ZNF670: variants seen among roughly 807,000 people sequenced by gnomAD.
The protein encoded by ZNF670 is zinc finger protein 670.
A neutral mutation model predicts 10.9 loss-of-function variants in ZNF670; 7 were observed. The ratio of observed to expected loss-of-function variants is 0.64; its 90% CI spans 0.36 to 1.20. The LOEUF is 1.20. Ranked by LOEUF, ZNF670 falls within the 50% of genes most tolerant of loss-of-function variation. ZNF670 has a pLI of 0.02. For missense variants in ZNF670, 446 were observed against 458.6 expected, an observed-to-expected ratio of 0.97 and a Z score of 0.25; for synonymous variants, 136 against 152.7, an observed-to-expected ratio of 0.89 and a Z score of 0.81.
intron 1 of ZNF670, among the ~76,000 whole-genome samples, chr1:247,066,864 G>T (rs1391359195): frequency 1.3e-5 from 2 of 152,100 alleles, no homozygotes; most frequent in African/African-American, 2.4e-5. Context: ...TTGTTACCCA[G>T]ACATTCCTTT....
In ZNF670 at chr1:247,038,072, C is replaced by T. The variant is rs1446520250; in HGVS notation, c.547G>A (p.Val183Ile). Reference protein sequence around the residue: ...VYEKPFDFPSVFQMPQSTYTG... With the variant: ...VYEKPFDFPSIFQMPQSTYTG... ...TAAGTGCTCTGAGGCATTTGAAATA[C>T]ACTAGGAAAATCAAAAGGCTTCTCA... The change falls in exon 4 of 4, where the codon GTA becomes ATA. Residue 183 changes from valine (V) to isoleucine (I), a missense_variant. Val to Ile is a conservative substitution (Grantham distance 29). Coordinates refer to ENST00000366503, the MANE Select transcript of ZNF670 (RefSeq NM_033213.5). 12 of 1,614,016 alleles carry T rather than the reference C, an allele frequency of 7.4e-6. No homozygotes were observed. The highest frequency in any genetic ancestry group is 1.0e-5 in the Non-Finnish European group (12 of 1,180,016).
intron 1 of ZNF670, among the ~76,000 whole-genome samples, 200 bp downstream of exon 1, chr1:247,078,394 G>A (rs1671304828): frequency 6.6e-6 from 1 of 152,202 alleles, no homozygotes; most frequent in African/African-American, 2.4e-5. Flanking sequence ...AGGGTTCCGG[G>A]CCTGGCCGAA....
rs770251198 is a variant in ZNF670 at position 247,038,293 on chromosome 1, CCA to C, written c.324_325del (p.Cys108TrpfsTer12). 11 of 1,614,154 alleles carry C rather than the reference CCA, an allele frequency of 6.8e-6. No individual in the cohort carries two copies. The Middle Eastern group carries it at 6.6e-4, about 97-fold the overall frequency. ...GGCTGAATGACATATGAAGACTTTT[CCA>C]CACACACTGCATTCACATGGCTTTA... On this transcript the variant is annotated frameshift_variant, in exon 4 of 4. Coordinates refer to ENST00000366503, the MANE Select transcript of ZNF670 (RefSeq NM_033213.5). LOFTEE classifies it low-confidence loss of function (END_TRUNC).
At chr1:247,056,039 A>G (rs927534364) in intron 1 of ZNF670, among the ~76,000 whole-genome samples, 1 of 151,986 alleles carries the variant, frequency 6.6e-6, no homozygotes, top group Non-Finnish European at 1.5e-5. Flanking sequence ...AATAGAGCTA[A>G]AGAGAGAGAG....
Position 247,036,308 on chromosome 1 carries a change from C to T in ZNF670, c.*1141G>A, listed in dbSNP as rs2453408. Among the ~76,000 whole-genome samples the T allele has an allele frequency of 9.2e-5, 14 of 152,272 alleles. No individual in the cohort carries two copies. Among genetic ancestry groups the T allele is most frequent in the African/African-American group, 2.4e-4 (10 of 41,564 alleles). On this transcript the variant is annotated 3_prime_UTR_variant, in exon 4 of 4. Coordinates refer to ENST00000366503, the MANE Select transcript of ZNF670 (RefSeq NM_033213.5). Reference sequence around the variant, plus strand: ...GATGGTGAGACTGAATGCTTTCACACGCAGATTAGACAAGCATACTGTCCA... The same window carrying T: ...GATGGTGAGACTGAATGCTTTCACATGCAGATTAGACAAGCATACTGTCCA...
intron 1 of ZNF670, among the ~76,000 whole-genome samples, chr1:247,040,820 C>T (rs911899088): frequency 2.6e-5 from 4 of 152,072 alleles, no homozygotes; most frequent in African/African-American, 9.7e-5. Flanking sequence ...CTCAGCCTCC[C>T]GAGTAGCTGA....
rs139796069 is a variant in ZNF670 at position 247,051,371 on chromosome 1, T to A, written c.4-11834A>T. 5.4e-3 allele frequency among the ~76,000 whole-genome samples: 828 copies of A among 152,356 alleles called. 7 individuals are homozygous for A. The highest frequency in any genetic ancestry group is 0.019 in the African/African-American group (789 of 41,590). On this transcript the variant is annotated intron_variant, in intron 1 of 3. Transcript: ENST00000366503. ...AATAATTTTATTTTTCCTTCATTTA[T>A]GAAGCTTAGTTTCACTGGATACAAA...
At chr1:247,078,329 C>T (rs1671301364) in intron 1 of ZNF670, among the ~76,000 whole-genome samples, 1 of 152,234 alleles carries the variant, frequency 6.6e-6, no homozygotes, top group Non-Finnish European at 1.5e-5. Context: ...ACCCTCCCGT[C>T]GGCACCGCAC....
chr1:247,040,797 G>C lies in ZNF670; in HGVS notation c.4-1260C>G, dbSNP rs539863085. 4.6e-5 allele frequency among the ~76,000 whole-genome samples: 7 copies of C among 152,252 alleles called. No individual in the cohort carries two copies. The East Asian group carries it at 1.4e-3, about 29-fold the overall frequency. On this transcript the variant is annotated intron_variant, in intron 1 of 3. Coordinates refer to ENST00000366503, the MANE Select transcript of ZNF670 (RefSeq NM_033213.5). ...ATCCTCCGCTGCCTCCCAGGTTCAA[G>C]CGATTCTCCTGCCTCAGCCTCCCGA...
intron 1 of ZNF670, among the ~76,000 whole-genome samples, chr1:247,073,801 C>T (rs1671191405): frequency 6.6e-6 from 1 of 152,182 alleles, no homozygotes; most frequent in Non-Finnish European, 1.5e-5. Context: ...GCCTGAGGGG[C>T]CCATCTATCC....
At chr1:247,072,542 T>C (rs12079097) in intron 1 of ZNF670, among the ~76,000 whole-genome samples, 22,184 of 151,312 alleles carry the variant, frequency 0.15, 1,753 homozygotes, top group Middle Eastern at 0.24. Flanking sequence ...GCCAGCACTT[T>C]GGGAGGCCAA....
rs1346893988 is a variant in ZNF670, at chr1:247,044,568, A to T, written c.4-5031T>A. On this transcript the variant is annotated intron_variant, in intron 1 of 3. Coordinates refer to ENST00000366503, the MANE Select transcript of ZNF670 (RefSeq NM_033213.5). ...ACGGAATCAATCCAAATGCCCATCA[A>T]TAGTGGACTGGATTTTTTAAAAAGT... 2.0e-5 allele frequency among the ~76,000 whole-genome samples: 3 copies of T among 152,232 alleles called. No individual in the cohort carries two copies. In the East Asian group the frequency reaches 5.8e-4, roughly 29 times the overall value.
chr1:247,064,970 G>A (rs368592441), intron 1 of ZNF670, among the ~76,000 whole-genome samples: 34 of 151,854 alleles, frequency 2.2e-4, no homozygotes, highest in African/African-American at 4.4e-4. Flanking sequence ...CACCATGCCC[G>A]GCTAATTTTT....
Position 247,041,829 on chromosome 1 carries a change from C to T in ZNF670, c.4-2292G>A, listed in dbSNP as rs916387393. Among the ~76,000 whole-genome samples the T allele has an allele frequency of 2.6e-5, 4 of 152,192 alleles. No individual in the cohort carries two copies. The East Asian group carries it at 5.8e-4, about 22-fold the overall frequency. On this transcript the variant is annotated intron_variant, in intron 1 of 3. Transcript: ENST00000366503. ...GAAACATACTGACACAAGGAAATCA[C>T]CAATAAACCTTTTTGTTTTAATTCC...
chr1:247,051,080 G>A lies in ZNF670; in HGVS notation c.4-11543C>T, dbSNP rs553154972. 3.2e-4 allele frequency among the ~76,000 whole-genome samples: 48 copies of A among 151,582 alleles called. No homozygotes were observed. The Middle Eastern group carries it at 0.01, about 32-fold the overall frequency. ...TCCCAGCACTTTGGGAGGCCGAGGCGGGTGGATCACGAGGTCAGGAGATCG... is the reference window on the plus strand; with the variant it reads ...TCCCAGCACTTTGGGAGGCCGAGGCAGGTGGATCACGAGGTCAGGAGATCG... On this transcript the variant is annotated intron_variant, in intron 1 of 3. Transcript: ENST00000366503.
intron 1 of ZNF670, among the ~76,000 whole-genome samples, chr1:247,054,493 G>T (rs1257097643): frequency 6.6e-6 from 1 of 152,230 alleles, no homozygotes; most frequent in Non-Finnish European, 1.5e-5. Context: ...CACTGGGCAG[G>T]GTTGTGAGGC....
intron 1 of ZNF670, chr1:247,042,926 T>C: frequency 1.5e-6 from 1 of 681,932 alleles, no homozygotes; most frequent in Non-Finnish European, 2.7e-6. Context: ...CTGTGAATTT[T>C]CATTCACATT....
intron 1 of ZNF670, among the ~76,000 whole-genome samples, chr1:247,063,624 G>A (rs1670915121): frequency 2.1e-5 from 3 of 146,002 alleles, no homozygotes; most frequent in South Asian, 2.2e-4. Flanking sequence ...GGAATTCATC[G>A]CCAGCCTTAG....
At chr1:247,049,098 C>CTTTT (rs772486522) in intron 1 of ZNF670, among the ~76,000 whole-genome samples, 13 of 124,540 alleles carry the variant, frequency 1.0e-4, no homozygotes, top group East Asian at 2.2e-4. Context: ...TGTTTCATTT[C>CTTTT]TTTTTTTTTT....
Sources: allele counts gnomAD v4.1 joint callset (sites outside exome capture counted in the v4.1 genomes callset), GRCh38; gene constraint gnomAD v4.1.1; transcripts MANE v1.5; gene names NCBI Gene and HGNC (gene_info 2026-07-23, HGNC 2026-07-21).